The following ZNF69 variants were observed in gnomAD, a reference collection of about 807,000 sequenced individuals.
ZNF69 encodes ZNF3.
Under a neutral mutation model 50.9 loss-of-function variants are expected in ZNF69, and 47 were observed. That is an observed-to-expected ratio of 0.92 (90% CI 0.73 to 1.18). The LOEUF (loss-of-function observed/expected upper bound fraction) is 1.18, where lower values mean the gene tolerates loss of function less well. Among genes scored for constraint, ZNF69 ranks in the 50% most tolerant of loss-of-function variants. ZNF69 has a pLI of 0.00. For synonymous variants in ZNF69, 216 were observed against 223.1 expected, an observed-to-expected ratio of 0.97 and a Z score of 0.29; for missense variants, 717 against 675.1, an observed-to-expected ratio of 1.06 and a Z score of -0.69.
the ZNF69 span, among the ~76,000 whole-genome samples, chr19:11,930,847 A>G: frequency 6.8e-6 from 1 of 147,958 alleles, no homozygotes; most frequent in Non-Finnish European, 1.5e-5. Context: ...TTAAAATTCA[A>G]AATTAGCCAA....
chr19:11,948,983 C>G, the ZNF69 span: 1 of 1,608,392 alleles, frequency 6.2e-7, no homozygotes, highest in Non-Finnish European at 8.5e-7. Context: ...TATACCAGTT[C>G]TCTTCGTAGA....
At chr19:11,967,118 T>G in the ZNF69 span, among the ~76,000 whole-genome samples, 1 of 152,152 alleles carries the variant, frequency 6.6e-6, no homozygotes, top group Non-Finnish European at 1.5e-5. Flanking sequence ...GAGGATCACT[T>G]GAGGTCAAGA....
chr19:11,900,201 GCCT>G (rs2145227822), intron 1 of ZNF69, among the ~76,000 whole-genome samples: 1 of 152,042 alleles, frequency 6.6e-6, no homozygotes, highest in South Asian at 2.1e-4. Context: ...TGATCCACCC[GCCT>G]CAGCTTCCCA....
chr19:11,896,635 C>A (rs1299463192), intron 1 of ZNF69, among the ~76,000 whole-genome samples: 3 of 152,214 alleles, frequency 2.0e-5, no homozygotes, highest in South Asian at 2.1e-4. Context: ...CTTATGCTGT[C>A]ATCTAATCCT....
chr19:11,931,259 C>T, the ZNF69 span, among the ~76,000 whole-genome samples: 2 of 147,980 alleles, frequency 1.4e-5, no homozygotes, highest in Non-Finnish European at 2.9e-5. Context: ...AGAGAGCTGG[C>T]AGATCTAGTG....
At chr19:11,965,237 G>C in the ZNF69 span, 1 of 1,613,890 alleles carries the variant, frequency 6.2e-7, no homozygotes, top group South Asian at 1.1e-5. Flanking sequence ...CGGTTGTCCC[G>C]AGACGGGGTA....
chr19:11,918,804 ATATTT>A (rs993480191), downstream of ZNF69, among the ~76,000 whole-genome samples: 3 of 151,904 alleles, frequency 2.0e-5, no homozygotes, highest in African/African-American at 7.3e-5. Context: ...TTTCTGACAA[ATATTT>A]TATTTAAAAT....
chr19:11,906,852 AGAT>A, downstream of ZNF69, among the ~76,000 whole-genome samples: 1 of 152,362 alleles, frequency 6.6e-6, no homozygotes, highest in East Asian at 1.9e-4. Flanking sequence ...AGAAGGCTTC[AGAT>A]GATCGGTAAT....
chr19:11,903,980 C>A lies in ZNF69; in HGVS notation c.251+15C>A, dbSNP rs751148391. 1.9e-6 allele frequency: 3 copies of A among 1,611,674 alleles called. No homozygotes were observed. Among genetic ancestry groups the A allele is most frequent in the South Asian group, 1.1e-5 (1 of 90,892 alleles). Reference sequence around the variant, plus strand: ...AGAAACTTCAGGTAATTTGTACTTACAAGACAAAGCAGTGTCTCTCTAGAC... The same window carrying A: ...AGAAACTTCAGGTAATTTGTACTTAAAAGACAAAGCAGTGTCTCTCTAGAC... On this transcript the variant is annotated intron_variant, in intron 3 of 3. Coordinates refer to ENST00000429654, the MANE Select transcript of ZNF69 (RefSeq NM_001364730.1).
chr19:11,944,099 G>A, the ZNF69 span, among the ~76,000 whole-genome samples: 4 of 152,152 alleles, frequency 2.6e-5, no homozygotes, highest in Non-Finnish European at 4.4e-5. Flanking sequence ...TATTACCTGG[G>A]GAGAAAGGGT....
At chr19:11,925,470 C>T in the ZNF69 span, among the ~76,000 whole-genome samples, 1 of 152,150 alleles carries the variant, frequency 6.6e-6, no homozygotes, top group Admixed American at 6.5e-5. Flanking sequence ...GGCGTCCTGT[C>T]CCGTCCCTGC....
Position 11,891,376 on chromosome 19 carries a change from A to T in ZNF69, c.63+3390A>T, listed in dbSNP as rs1369024796. Among the ~76,000 whole-genome samples, 4 of 60,386 alleles carry T rather than the reference A, an allele frequency of 6.6e-5. No individual in the cohort carries two copies. In the African/African-American group the frequency reaches 6.8e-4, roughly 10 times the overall value. 39.6% of individuals were successfully genotyped at this position (60,386 alleles called of 152,430 possible). A position where few individuals can be genotyped will look rare whatever the true frequency, so the allele number is the denominator to read the frequency against. On this transcript the variant is annotated intron_variant, in intron 1 of 3. Transcript: ENST00000429654. ...ATGCAGTGAGAGCCTGTCTGTATTA[A>T]AAAAAAAAAAAAAGAAAAGAAAGAA...
Position 11,904,958 on chromosome 19 carries a change from T to C in ZNF69, c.561T>C (p.Thr187=). 1.2e-6 allele frequency: 2 copies of C among 1,614,210 alleles called. No individual in the cohort carries two copies. Among genetic ancestry groups the C allele is most frequent in the Non-Finnish European group, 1.7e-6 (2 of 1,180,030 alleles). The change falls in exon 4 of 4, where the codon ACT becomes ACC. Residue 187 remains threonine, a synonymous_variant. Coordinates refer to ENST00000429654, the MANE Select transcript of ZNF69 (RefSeq NM_001364730.1). ...PSFRTPQRDH[T]GEKPYACKEC... ...TTAGAACACCACAAAGGGATCACAC[T>C]GGAGAGAAACCCTATGCTTGTAAAG...
Position 11,906,094 on chromosome 19 carries a change from A to T in ZNF69, c.1697A>T (p.Gln566Leu). ...HPEDKPYECKQ is the reference protein window; with the variant it reads ...HPEDKPYECKL ...GAAGATAAACCCTATGAGTGTAAGC[A>T]ATGAGGGAAAGCCTTCAGATCTGCC... Residue 566 changes from glutamine to leucine, a missense_variant, in exon 4 of 4, where the codon CAA becomes CTA. Transcript: ENST00000429654. The T allele has an allele frequency of 6.2e-7, 1 of 1,610,298 alleles. No homozygotes were observed. Among genetic ancestry groups the T allele is most frequent in the Non-Finnish European group, 8.5e-7 (1 of 1,178,886 alleles).
At chr19:11,911,520 G>T (rs1023528679), downstream of ZNF69, among the ~76,000 whole-genome samples, 16 of 152,154 alleles carry the variant, frequency 1.1e-4, no homozygotes, top group South Asian at 2.1e-4. Context: ...CATGTCCTTT[G>T]TAGGGACATG....
intron 1 of ZNF69, among the ~76,000 whole-genome samples, chr19:11,891,935 G>A (rs1977099214): frequency 6.6e-6 from 1 of 151,968 alleles, no homozygotes; most frequent in Admixed American, 6.6e-5. Context: ...AATATAATAG[G>A]ATTGCATTTT....
chr19:11,977,036 A>G, the ZNF69 span: 1 of 1,614,174 alleles, frequency 6.2e-7, no homozygotes, highest in Non-Finnish European at 8.5e-7. Context: ...GAGATGTTTC[A>G]GGACCCTGTG....
chr19:11,949,803 G>T, the ZNF69 span: 23 of 1,603,358 alleles, frequency 1.4e-5, no homozygotes, highest in Admixed American at 3.9e-4. Flanking sequence ...AACCCTATGA[G>T]TGTAAGCAAT....
chr19:11,925,643 C>T, the ZNF69 span, among the ~76,000 whole-genome samples: 1 of 152,170 alleles, frequency 6.6e-6, no homozygotes, highest in South Asian at 2.1e-4. Context: ...GTCTGTGGGG[C>T]CCCCAGTCCC....
Sources: allele counts gnomAD v4.1 joint callset (sites outside exome capture counted in the v4.1 genomes callset), GRCh38; gene constraint gnomAD v4.1.1; transcripts MANE v1.5; gene names NCBI Gene and HGNC (gene_info 2026-07-23, HGNC 2026-07-21).